MACROD2: variants seen among roughly 807,000 people sequenced by gnomAD.
The protein encoded by MACROD2 is mono-ADP ribosylhydrolase 2, also known as ADP-ribose glycohydrolase MACROD2.
Under a neutral mutation model 70.4 loss-of-function variants are expected in MACROD2, and 36 were observed. The ratio of observed to expected loss-of-function variants is 0.51; its 90% confidence interval spans 0.39 to 0.68. MACROD2 has a LOEUF of 0.68. Among genes scored for constraint, MACROD2 ranks in the 30% least tolerant of loss-of-function variants. The probability of loss-of-function intolerance (pLI) is 0.00; values close to 1 mark genes in which losing one functional copy is unlikely to be tolerated. For synonymous variants in MACROD2, 172 were observed against 178.8 expected (o/e 0.96, Z 0.30); for missense variants, 496 against 538.4 (o/e 0.92, Z 0.78).
intron 8 of MACROD2, among the ~76,000 whole-genome samples, chr20:15,803,203 A>C (rs1034621734): frequency 6.6e-6 from 1 of 152,082 alleles, no homozygotes; most frequent in Admixed American, 6.5e-5. Flanking sequence ...CAAGGACACA[A>C]TAAACAAAGA....
intron 3 of MACROD2, chr20:14,127,452 T>C (rs545169460): frequency 4.3e-5 from 21 of 483,646 alleles, no homozygotes; most frequent in Non-Finnish European, 6.8e-5. Context: ...GATGCTGTTC[T>C]GAAGAGGCTG....
At chr20:15,354,622 C>T (rs1021254237) in intron 6 of MACROD2, among the ~76,000 whole-genome samples, 2 of 151,918 alleles carry the variant, frequency 1.3e-5, no homozygotes, top group Admixed American at 6.6e-5. Context: ...TAATCCCACT[C>T]CTAGGAACTT....
chr20:14,665,221 G>A (rs984900563), intron 4 of MACROD2, among the ~76,000 whole-genome samples: 4 of 152,074 alleles, frequency 2.6e-5, no homozygotes, highest in Non-Finnish European at 5.9e-5. Flanking sequence ...ATAAAAGAGT[G>A]AATGAAATAT....
chr20:15,526,537 G>A (rs1367464394), intron 8 of MACROD2, among the ~76,000 whole-genome samples: 1 of 152,136 alleles, frequency 6.6e-6, no homozygotes, highest in Non-Finnish European at 1.5e-5. Context: ...ATCCTGGTAT[G>A]AGCCAAGTAG....
At chr20:14,672,083 A>G (rs563817395) in intron 4 of MACROD2, among the ~76,000 whole-genome samples, 8 of 152,352 alleles carry the variant, frequency 5.3e-5, no homozygotes, top group African/African-American at 1.9e-4. Flanking sequence ...GATGATGAAT[A>G]TCTGTGTAAC....
intron 8 of MACROD2, among the ~76,000 whole-genome samples, chr20:15,521,640 AT>A (rs1416756834): frequency 1.3e-5 from 2 of 152,192 alleles, no homozygotes; most frequent in Non-Finnish European, 2.9e-5. Flanking sequence ...TATGGCACAC[AT>A]TTACTTTCTG....
At chr20:15,610,953 A>AT (rs891379229) in intron 8 of MACROD2, among the ~76,000 whole-genome samples, 10 of 124,128 alleles carry the variant, frequency 8.1e-5, no homozygotes, top group Non-Finnish European at 1.5e-4. Flanking sequence ...GACTCACTTC[A>AT]TCTTGTGCTT....
At chr20:15,898,926 T>A (rs1219362645) in intron 10 of MACROD2, among the ~76,000 whole-genome samples, 1 of 151,946 alleles carries the variant, frequency 6.6e-6, no homozygotes, top group Non-Finnish European at 1.5e-5. Flanking sequence ...ACATATAGTA[T>A]GTATATGTGT....
intron 3 of MACROD2, 91 bp downstream of exon 3, chr20:14,085,819 A>G (rs2054069595): frequency 1.4e-6 from 1 of 725,386 alleles, no homozygotes; most frequent in African/African-American, 1.8e-5. Flanking sequence ...TTTAGAAAAA[A>G]ATGCTTTTTG....
intron 15 of MACROD2, among the ~76,000 whole-genome samples, chr20:16,024,947 T>G (rs1295763340): frequency 6.6e-6 from 1 of 152,198 alleles, no homozygotes; most frequent in Admixed American, 6.5e-5. Flanking sequence ...GCTTTTTGTT[T>G]GTTTGTTTGT....
At chr20:15,951,306 G>GACACACACACACACACAC (rs58032991) in intron 12 of MACROD2, among the ~76,000 whole-genome samples, 46 of 135,614 alleles carry the variant, frequency 3.4e-4, no homozygotes, top group East Asian at 2.6e-3. Context: ...TATTTATCTA[G>GACACACACACACACACAC]ACACACACAC....
chr20:15,349,711 G>A (rs915672943), intron 6 of MACROD2, among the ~76,000 whole-genome samples: 5 of 141,960 alleles, frequency 3.5e-5, no homozygotes, highest in South Asian at 2.2e-4. Flanking sequence ...AGCTGAGATC[G>A]CACCATTGCA....
chr20:15,758,680 T>C (rs2051386820), intron 8 of MACROD2, among the ~76,000 whole-genome samples: 1 of 151,562 alleles, frequency 6.6e-6, no homozygotes, highest in African/African-American at 2.4e-5. Context: ...GCTGGGACTA[T>C]AGGCATGCTC....
chr20:15,954,540 A>G (rs1194401948), intron 12 of MACROD2, among the ~76,000 whole-genome samples: 1 of 152,214 alleles, frequency 6.6e-6, no homozygotes, highest in East Asian at 1.9e-4. Context: ...ATGAGTGGAA[A>G]GACAGTATTT....
chr20:14,008,306 C>G (rs1179152163), intron 2 of MACROD2, among the ~76,000 whole-genome samples: 1 of 152,188 alleles, frequency 6.6e-6, no homozygotes, highest in African/African-American at 2.4e-5. Flanking sequence ...ATACAAATCT[C>G]TAGCATTGCT....
chr20:15,331,922 C>T (rs1012740529), intron 6 of MACROD2, among the ~76,000 whole-genome samples: 1 of 151,432 alleles, frequency 6.6e-6, no homozygotes, highest in Non-Finnish European at 1.5e-5. Context: ...TGTGTTATTC[C>T]TGCAATAGTA....
At chr20:15,629,141 G>A (rs754028037) in intron 8 of MACROD2, among the ~76,000 whole-genome samples, 3 of 152,206 alleles carry the variant, frequency 2.0e-5, no homozygotes, top group Non-Finnish European at 4.4e-5. Context: ...ATTCCTAGCA[G>A]TAGAATTGCT....
chr20:15,792,827 T>A (rs1322051048), intron 8 of MACROD2, among the ~76,000 whole-genome samples: 2 of 152,216 alleles, frequency 1.3e-5, no homozygotes, highest in Non-Finnish European at 2.9e-5. Context: ...ATTTATTCAA[T>A]AGTATATTCA....
chr20:14,616,260 T>C (rs1983470679), intron 4 of MACROD2, among the ~76,000 whole-genome samples: 1 of 152,134 alleles, frequency 6.6e-6, no homozygotes, highest in South Asian at 2.1e-4. Context: ...AAATGACTAA[T>C]ATTTGTTCTA....
Sources: gnomAD v4.1 joint callset for allele counts (sites outside exome capture counted in the v4.1 genomes callset) on GRCh38, gnomAD v4.1.1 for gene constraint, MANE v1.5 for transcripts, NCBI Gene and HGNC (gene_info 2026-07-23, HGNC 2026-07-21) for gene names.